Variants in GALNTL6 observed in about 807,000 individuals in gnomAD.
The protein encoded by GALNTL6 is polypeptide N-acetylgalactosaminyltransferase-like 6.
A neutral mutation model predicts 73.7 loss-of-function variants in GALNTL6; 46 were observed. The observed-to-expected ratio is 0.62, with a 90% CI of 0.49 to 0.80. The LOEUF (loss-of-function observed/expected upper bound fraction) is 0.80. Among genes scored for constraint, GALNTL6 ranks in the 30% least tolerant of loss-of-function variants. The pLI is 0.00. For synonymous variants in GALNTL6, 259 were observed against 263.7 expected (o/e 0.98, Z 0.17); for missense variants, 604 against 755.0 (o/e 0.80, Z 2.34).
intron 2 of GALNTL6, among the ~76,000 whole-genome samples, chr4:172,082,160 G>A (rs2110923155): frequency 6.6e-6 from 1 of 152,148 alleles, no homozygotes; most frequent in African/African-American, 2.4e-5. Flanking sequence ...TACAGGCACT[G>A]CACCTGGCCA....
intron 5 of GALNTL6, among the ~76,000 whole-genome samples, chr4:172,417,649 A>G (rs1440945726): frequency 6.7e-6 from 1 of 149,166 alleles, no homozygotes; most frequent in Non-Finnish European, 1.5e-5. Context: ...ACCCTGTCTC[A>G]AAAAAAATAA....
chr4:172,993,981 C>T (rs990999025), intron 10 of GALNTL6, among the ~76,000 whole-genome samples: 1 of 152,116 alleles, frequency 6.6e-6, no homozygotes, highest in Non-Finnish European at 1.5e-5. Context: ...TATCACAGTC[C>T]GACCAAACCC....
intron 2 of GALNTL6, among the ~76,000 whole-genome samples, chr4:171,855,752 A>G (rs972691896): frequency 3.9e-5 from 6 of 152,186 alleles, no homozygotes; most frequent in Admixed American, 3.9e-4. Flanking sequence ...CTGTTACTCC[A>G]CATCCTCACT....
At chr4:172,817,228 C>T (rs1741655033) in intron 7 of GALNTL6, among the ~76,000 whole-genome samples, 2 of 151,510 alleles carry the variant, frequency 1.3e-5, no homozygotes, top group Non-Finnish European at 2.9e-5. Flanking sequence ...GAGTTTGAGA[C>T]GAGCCTGGGC....
chr4:172,394,428 C>CT (rs201130774), intron 5 of GALNTL6, among the ~76,000 whole-genome samples: 7,724 of 120,118 alleles, frequency 0.064, 816 homozygotes, highest in African/African-American at 0.21. Flanking sequence ...TCTTCTTCTT[C>CT]TTTTTTTTTT....
chr4:172,821,891 C>T (rs921635542), intron 7 of GALNTL6, among the ~76,000 whole-genome samples: 2 of 152,150 alleles, frequency 1.3e-5, no homozygotes, highest in African/African-American at 2.4e-5. Flanking sequence ...TTGTAAATTA[C>T]CCATCTCTCC....
Position 172,288,094 on chromosome 4 carries a change from A to AT in GALNTL6, c.248-23506dup, listed in dbSNP as rs11354201. Among the ~76,000 whole-genome samples the AT allele has an allele frequency of 7.1e-3, 1,026 of 144,620 alleles. 11 individuals carry two copies. Among genetic ancestry groups the AT allele is most frequent in the South Asian group, 0.03 (135 of 4,562 alleles). The allele number at this position is 144,620 out of a possible 152,430, so 94.9% of individuals were successfully genotyped here. A position where few individuals can be genotyped will look rare whatever the true frequency, so the allele number is the denominator to read the frequency against. On this transcript the variant is annotated intron_variant, in intron 3 of 12. Coordinates refer to ENST00000506823, the MANE Select transcript of GALNTL6 (RefSeq NM_001034845.3). The stretch of plus-strand genomic sequence containing the variant: ...GTAATAATGTGGCTTGATAGAATTG[A>AT]TTTTTTTTTTTTTTGAGATGGGTTT...
chr4:172,111,216 T>C (rs937283216), intron 2 of GALNTL6, among the ~76,000 whole-genome samples: 1 of 152,080 alleles, frequency 6.6e-6, no homozygotes, highest in Non-Finnish European at 1.5e-5. Flanking sequence ...TCTAAAAACA[T>C]ATTTGTAAGA....
At chr4:172,820,267 A>G (rs1038732463) in intron 7 of GALNTL6, among the ~76,000 whole-genome samples, 1 of 152,210 alleles carries the variant, frequency 6.6e-6, no homozygotes, top group Non-Finnish European at 1.5e-5. Context: ...AACTTACTTG[A>G]TGCCTAGAAT....
At chr4:172,954,103 A>T (rs1749597404) in intron 10 of GALNTL6, among the ~76,000 whole-genome samples, 1 of 152,234 alleles carries the variant, frequency 6.6e-6, no homozygotes, top group South Asian at 2.1e-4. Context: ...GTGATTCACT[A>T]CAGGGCTAAA....
chr4:171,969,832 C>T (rs907410247), intron 2 of GALNTL6, among the ~76,000 whole-genome samples: 7 of 150,924 alleles, frequency 4.6e-5, no homozygotes, highest in Non-Finnish European at 8.8e-5. Flanking sequence ...GGCAGTGGCA[C>T]AATCTCTGCC....
intron 5 of GALNTL6, among the ~76,000 whole-genome samples, chr4:172,689,149 CTACT>C (rs1450394089): frequency 6.6e-6 from 1 of 152,136 alleles, no homozygotes; most frequent in Non-Finnish European, 1.5e-5. Context: ...ACTCTTCATT[CTACT>C]TACTCTTTAC....
At chr4:172,346,830 G>A (rs1342105943) in intron 4 of GALNTL6, among the ~76,000 whole-genome samples, 2 of 151,996 alleles carry the variant, frequency 1.3e-5, no homozygotes, top group African/African-American at 4.8e-5. Context: ...TTTGAGCTCA[G>A]GCACATAGAA....
intron 2 of GALNTL6, among the ~76,000 whole-genome samples, chr4:172,082,485 G>A (rs527368708): frequency 6.6e-6 from 1 of 152,268 alleles, no homozygotes; most frequent in South Asian, 2.1e-4. Context: ...TACCAAGGGA[G>A]AGAGCAAAGG....
chr4:172,301,849 C>T (rs1739940300), intron 3 of GALNTL6, among the ~76,000 whole-genome samples: 1 of 152,158 alleles, frequency 6.6e-6, no homozygotes, highest in South Asian at 2.1e-4. Context: ...TGTCCGTTCT[C>T]AGATCTCCAG....
chr4:172,841,653 A>C (rs143552301), intron 7 of GALNTL6, among the ~76,000 whole-genome samples: 2 of 152,152 alleles, frequency 1.3e-5, no homozygotes, highest in Non-Finnish European at 2.9e-5. Flanking sequence ...GTGTGAGTGC[A>C]CAGGAAAAAC....
intron 5 of GALNTL6, among the ~76,000 whole-genome samples, chr4:172,418,925 T>G (rs1020714777): frequency 7.8e-6 from 1 of 128,804 alleles, no homozygotes; most frequent in African/African-American, 2.7e-5. Context: ...TTAAAATTTT[T>G]AAAAAGTAGT....
chr4:172,295,539 T>G (rs1739642438), intron 3 of GALNTL6, among the ~76,000 whole-genome samples: 2 of 143,944 alleles, frequency 1.4e-5, no homozygotes, highest in African/African-American at 5.1e-5. Flanking sequence ...AGGTTTTTTT[T>G]TTTTTTTTTT....
intron 2 of GALNTL6, among the ~76,000 whole-genome samples, chr4:172,124,726 G>A (rs1002422088): frequency 6.6e-6 from 1 of 152,102 alleles, no homozygotes; most frequent in Non-Finnish European, 1.5e-5. Context: ...ACTCTTTTAG[G>A]TAAACTGGAA....
Sources: allele counts gnomAD v4.1 joint callset (sites outside exome capture counted in the v4.1 genomes callset), GRCh38; gene constraint gnomAD v4.1.1; transcripts MANE v1.5; gene names NCBI Gene and HGNC (gene_info 2026-07-23, HGNC 2026-07-21).